Variants in MEGF6 observed in about 807,000 individuals in gnomAD.
MEGF6 encodes the protein multiple epidermal growth factor-like domains protein 6.
A neutral mutation model predicts 207.1 loss-of-function variants in MEGF6; 184 were observed. The ratio of observed to expected loss-of-function variants is 0.89; its 90% confidence interval spans 0.79 to 1.00. The LOEUF is 1.00. MEGF6 is among the 50% of genes least tolerant of loss of function. MEGF6 has a pLI of 0.00. For missense variants in MEGF6, 2,282 were observed against 2,202.9 expected, an observed-to-expected ratio of 1.04 and a Z score of -0.72; for synonymous variants, 1,038 against 910.0, an observed-to-expected ratio of 1.14 and a Z score of -2.53.
upstream of MEGF6, among the ~76,000 whole-genome samples, chr1:3,616,212 T>C (rs1250053363): frequency 6.6e-6 from 1 of 151,800 alleles, no homozygotes; most frequent in Non-Finnish European, 1.5e-5. Context: ...GAGCTGAGAG[T>C]CCCACAGAGA....
chr1:3,502,346 T>C (rs1466005808), intron 17 of MEGF6, among the ~76,000 whole-genome samples: 29 of 152,098 alleles, frequency 1.9e-4, no homozygotes, highest in Admixed American at 1.9e-3. Flanking sequence ...TCCGCCACCG[T>C]AGTCACCAGA....
intron 11 of MEGF6, among the ~76,000 whole-genome samples, chr1:3,509,523 G>A (rs1041751232): frequency 6.6e-5 from 10 of 152,228 alleles, no homozygotes; most frequent in Admixed American, 5.2e-4. Flanking sequence ...GGCCTAGAGG[G>A]GTAGGGGTGG....
intron 3 of MEGF6, among the ~76,000 whole-genome samples, chr1:3,586,674 G>A (rs78946699): frequency 0.017 from 2,619 of 152,298 alleles, 85 homozygotes; most frequent in African/African-American, 0.059. Context: ...CATGCGGCCC[G>A]AACGGAAAAG....
Position 3,590,881 on chromosome 1 carries a change from A to C in MEGF6, c.376+4457T>G, listed in dbSNP as rs373133990. ...CACAGGGGCCGTGTAAAGAGCGAGCATCTGTCCTGCACAGGGGCCGTGCAC... is the reference window on the plus strand; with the variant it reads ...CACAGGGGCCGTGTAAAGAGCGAGCCTCTGTCCTGCACAGGGGCCGTGCAC... On this transcript the variant is annotated intron_variant, in intron 3 of 36. Coordinates refer to ENST00000356575, the MANE Select transcript of MEGF6 (RefSeq NM_001409.4). Among the ~76,000 whole-genome samples the C allele has an allele frequency of 9.4e-5, 14 of 149,028 alleles. No homozygotes were observed. The East Asian group carries it at 3.0e-3, about 32-fold the overall frequency.
intron 35 of MEGF6, among the ~76,000 whole-genome samples, chr1:3,492,367 T>C (rs1184844283): frequency 6.6e-6 from 1 of 152,126 alleles, no homozygotes; most frequent in African/African-American, 2.4e-5. Context: ...CTTGCAGCTG[T>C]TGGGGCTGGG....
intron 2 of MEGF6, among the ~76,000 whole-genome samples, chr1:3,598,398 G>A (rs1479233157): frequency 9.8e-5 from 15 of 152,334 alleles, no homozygotes; most frequent in Admixed American, 8.5e-4. Flanking sequence ...TGCAAACCCC[G>A]TCTTGGCAGG....
At chr1:3,511,797 C>A (rs984576999) in intron 8 of MEGF6, 110 bp from the exon 9 acceptor site, 3 of 1,501,958 alleles carry the variant, frequency 2.0e-6, no homozygotes, top group African/African-American at 2.8e-5. Flanking sequence ...TGGGGACACC[C>A]GTGGGAAGCA....
intron 4 of MEGF6, among the ~76,000 whole-genome samples, chr1:3,578,198 C>T (rs780976218): frequency 2.6e-5 from 4 of 152,228 alleles, no homozygotes; most frequent in East Asian, 1.9e-4. Flanking sequence ...TCTGCTTGGC[C>T]GACCAGTGAG....
At chr1:3,542,059 G>A (rs574540234) in intron 4 of MEGF6, among the ~76,000 whole-genome samples, 43 of 152,250 alleles carry the variant, frequency 2.8e-4, no homozygotes, top group South Asian at 6.2e-4. Context: ...GCCTGCTTCC[G>A]CCCAGACCCG....
rs1351381684 is a variant in MEGF6, at chr1:3,489,192, G to A, written c.*1336C>T. Among the ~76,000 whole-genome samples the A allele has an allele frequency of 6.6e-6, 1 of 152,188 alleles. No homozygotes were observed. The highest frequency in any genetic ancestry group is 1.5e-5 in the Non-Finnish European group (1 of 68,048). ...TCTACTTTAAAGTCTCCCCACAGCG[G>A]TCCATTCATCAGCTTCCTCTGTGAC... On this transcript the variant is annotated 3_prime_UTR_variant, in exon 37 of 37. Transcript: ENST00000356575.
At chr1:3,531,277 A>T in intron 4 of MEGF6, 1 of 1,327,036 alleles carries the variant, frequency 7.5e-7, no homozygotes, top group Non-Finnish European at 9.6e-7. Context: ...GGAGGGGGCG[A>T]GGACCAACCG....
At chr1:3,520,304 C>T (rs183792345) in intron 5 of MEGF6, among the ~76,000 whole-genome samples, 458 of 152,336 alleles carry the variant, frequency 3.0e-3, no homozygotes, top group African/African-American at 0.01. Flanking sequence ...TACACAGAGG[C>T]GGAGGCCTCC....
rs372864552 is a variant in MEGF6 at position 3,509,069 on chromosome 1, G to A, written c.1528+6C>T. 6.0e-5 allele frequency: 95 copies of A among 1,575,822 alleles called. 1 individual carries two copies. Among genetic ancestry groups the A allele is most frequent in the East Asian group, 7.0e-5 (3 of 43,024 alleles). On this transcript the variant is annotated splice_donor_region_variant and intron_variant, in intron 12 of 36. Coordinates refer to ENST00000356575, the MANE Select transcript of MEGF6 (RefSeq NM_001409.4). ...AGGAGCCCCCGGGGGCTGGGCCCGC[G>A]CTCACCAAACTTCTCTGTGAGCGTG... is the stretch of plus-strand genomic sequence containing the variant.
At position 3,493,782 on chromosome 1, in the gene MEGF6, G is replaced by C; in HGVS notation, c.4376C>G (p.Thr1459Ser). Residue 1459 changes from threonine (T) to serine (S), a missense_variant, in exon 34 of 37, where the codon ACC becomes AGC. Physicochemically the swap from Thr to Ser is moderately conservative, Grantham distance 58. Transcript: ENST00000356575. ...GACCCCAGACTCACCCAGGTTACAG[G>C]TGGCTCCTGAGCGCCCTGGTGGGCA... ...CLCPPGRSGA[T>S]CNLDCRRGQF... The C allele has an allele frequency of 6.2e-7, 1 of 1,612,192 alleles. No homozygotes were observed. The highest frequency in any genetic ancestry group is 8.5e-7 in the Non-Finnish European group (1 of 1,179,620).
intron 26 of MEGF6, 169 bp from the exon 27 acceptor site, chr1:3,497,530 G>C: frequency 1.0e-6 from 1 of 953,442 alleles, no homozygotes; most frequent in Non-Finnish European, 1.6e-6. Flanking sequence ...CCGGAGGGCA[G>C]AGGCAGGCCC....
intron 4 of MEGF6, among the ~76,000 whole-genome samples, chr1:3,536,493 C>T (rs967381250): frequency 1.3e-5 from 2 of 152,100 alleles, no homozygotes; most frequent in Admixed American, 6.5e-5. Context: ...CGGGCGTGGC[C>T]GTGGGGGGCA....
upstream of MEGF6, among the ~76,000 whole-genome samples, chr1:3,614,619 A>G (rs2101927068): frequency 6.6e-6 from 1 of 152,368 alleles, no homozygotes; most frequent in Admixed American, 6.5e-5. Flanking sequence ...CAGACTATAT[A>G]AGCTTTGAAT....
At chr1:3,587,921 AGAGG>A (rs1643915767) in intron 3 of MEGF6, among the ~76,000 whole-genome samples, 1 of 63,010 alleles carries the variant, frequency 1.6e-5, no homozygotes, top group Admixed American at 1.4e-4. Flanking sequence ...AGGGGGCAGG[AGAGG>A]CCAGGAGGGG....
At chr1:3,521,622 G>A (rs774309690) in intron 5 of MEGF6, among the ~76,000 whole-genome samples, 53 of 152,118 alleles carry the variant, frequency 3.5e-4, no homozygotes, top group Non-Finnish European at 5.9e-4. Context: ...GGCCCCCAGG[G>A]GACTCCGTCC....
Sources: gnomAD v4.1 joint callset for allele counts (sites outside exome capture counted in the v4.1 genomes callset) on GRCh38, gnomAD v4.1.1 for gene constraint, MANE v1.5 for transcripts, NCBI Gene and HGNC (gene_info 2026-07-23, HGNC 2026-07-21) for gene names.